SRRD: variants seen among roughly 807,000 people sequenced by gnomAD.
The protein encoded by SRRD is SRR1-like protein.
SRRD carries 28 observed loss-of-function variants against 30.7 expected under a neutral mutation model. The observed-to-expected ratio is 0.91, with a 90% CI of 0.68 to 1.25. The LOEUF is 1.25. SRRD is among the 50% of genes most tolerant of loss of function. SRRD has a pLI of 0.00. For synonymous variants in SRRD, 161 were observed against 159.6 expected (o/e 1.01, Z -0.07); for missense variants, 415 against 417.3 (o/e 0.99, Z 0.05).
At position 26,491,488 on chromosome 22, in the gene SRRD, A is replaced by C; in HGVS notation, c.836A>C (p.Glu279Ala). ...ATTTTAAAAGGACTGGAGGAGCTTG[A>C]GTTTCCTCAGACTTCACAATACATG... ...AKILKGLEEL[E>A]FPQTSQYMDI... Residue 279 changes from glutamate to alanine, a missense_variant, in exon 7 of 7, where the codon GAG becomes GCG. Coordinates refer to ENST00000215917, the MANE Select transcript of SRRD (RefSeq NM_001013694.3). The C allele has an allele frequency of 1.9e-6, 3 of 1,613,532 alleles. No individual in the cohort carries two copies. Among genetic ancestry groups the C allele is most frequent in the Non-Finnish European group, 2.5e-6 (3 of 1,179,942 alleles).
intron 6 of SRRD, 145 bp from the exon 7 acceptor site, chr22:26,491,310 ATTCATTGT>A: frequency 2.7e-6 from 2 of 753,424 alleles, no homozygotes; most frequent in Non-Finnish European, 4.3e-6. Context: ...GGGGCGCCCA[ATTCATTGT>A]GCAAAAGCAT....
At chr22:26,486,528 T>C (rs1375446170) in intron 2 of SRRD, among the ~76,000 whole-genome samples, 1 of 152,178 alleles carries the variant, frequency 6.6e-6, no homozygotes, top group Non-Finnish European at 1.5e-5. Flanking sequence ...CAGTTATTAT[T>C]TTAGGACAGT....
At chr22:26,487,927 C>T (rs1028920196) in intron 2 of SRRD, 102 bp from the exon 3 acceptor site, 3 of 1,347,482 alleles carry the variant, frequency 2.2e-6, no homozygotes, top group Middle Eastern at 2.7e-4. Flanking sequence ...TTTTACTGCC[C>T]TGATCTCTTT....
At chr22:26,490,961 C>A in intron 5 of SRRD, 64 bp from the exon 6 acceptor site, 1 of 1,439,306 alleles carries the variant, frequency 6.9e-7, no homozygotes, top group Non-Finnish European at 9.6e-7. Context: ...TTGAATGAAA[C>A]TATCCTCATA....
At chr22:26,490,689 GA>G (rs1921056885) in intron 5 of SRRD, 1 of 255,196 alleles carries the variant, frequency 3.9e-6, no homozygotes, top group Non-Finnish European at 7.5e-6. Context: ...TCAGCCTAAT[GA>G]GTAGCTGGGA....
At position 26,488,061 on chromosome 22, in the gene SRRD, G is replaced by T; in HGVS notation, c.283G>T (p.Glu95Ter). Residue 95 changes from glutamate to a stop codon, truncating the protein, a stop_gained, in exon 3 of 7, where the codon GAA becomes TAA. Transcript: ENST00000215917. LOFTEE classifies it high-confidence loss of function. Reference protein sequence around the residue: ...TINRCLTKHLEQLKAPVGTLS... With the variant: ...TINRCLTKHL The stretch of plus-strand genomic sequence containing the variant: ...CAATAGATGTCTCACAAAACATCTG[G>T]AACAACTGAAGGCCCCTGTGGGGAC... The T allele has an allele frequency of 1.9e-6, 3 of 1,613,040 alleles. No individual in the cohort carries two copies. Among genetic ancestry groups the T allele is most frequent in the Middle Eastern group, 1.7e-4 (1 of 6,056 alleles).
intron 2 of SRRD, among the ~76,000 whole-genome samples, chr22:26,486,382 G>A (rs1241421038): frequency 6.6e-6 from 1 of 152,188 alleles, no homozygotes; most frequent in Admixed American, 6.5e-5. Flanking sequence ...ATATTACAAT[G>A]TAGCCTTTTC....
chr22:26,491,106 G>C (rs767305330), intron 6 of SRRD, 36 bp downstream of exon 6: 9 of 1,588,072 alleles, frequency 5.7e-6, no homozygotes, highest in Non-Finnish European at 7.7e-6. Context: ...GATGGAAAAG[G>C]GTGTGAAACT....
At chr22:26,489,457 G>A (rs780396177) in intron 4 of SRRD, among the ~76,000 whole-genome samples, 2 of 152,078 alleles carry the variant, frequency 1.3e-5, no homozygotes, top group Non-Finnish European at 2.9e-5. Flanking sequence ...AGGATTGAAG[G>A]TAGCTGTGCA....
In SRRD at chr22:26,491,862, C is replaced by T. The variant is rs150122446; in HGVS notation, c.*190C>T. On this transcript the variant is annotated 3_prime_UTR_variant, in exon 7 of 7. Transcript: ENST00000215917. ...ATTCCTGCCCTACGTGGCATTGTCC[C>T]ATTTTACATCCTTCCCTCATGACCT... 868 of 971,200 alleles carry T rather than the reference C, an allele frequency of 8.9e-4. 1 individual carries two copies. The highest frequency in any genetic ancestry group is 1.2e-3 in the Non-Finnish European group (789 of 668,380). The allele number at this position is 971,200 out of a possible 1,614,324, so 60.2% of individuals were successfully genotyped here. A position where few individuals can be genotyped will look rare whatever the true frequency, so the allele number is the denominator to read the frequency against.
In SRRD at chr22:26,494,220, G is replaced by A. The variant is rs1468651315; in HGVS notation, c.*2548G>A. On this transcript the variant is annotated 3_prime_UTR_variant, in exon 7 of 7. Coordinates refer to ENST00000215917, the MANE Select transcript of SRRD (RefSeq NM_001013694.3). ...TTGACAGATGGATGTGCCAGCACTT[G>A]GTCTGAGAACATCGACTTCCAACCC... 2 of 1,614,188 alleles carry A rather than the reference G, an allele frequency of 1.2e-6. No individual in the cohort carries two copies. Among genetic ancestry groups the A allele is most frequent in the South Asian group, 2.2e-5 (2 of 91,084 alleles).
chr22:26,490,736 T>G (rs4822726), intron 5 of SRRD: 275,176 of 321,010 alleles, frequency 0.86, 118,973 homozygotes, highest in South Asian at 0.91. Context: ...GCTGATTTTT[T>G]TATTTTTAGT....
intron 1 of SRRD, 71 bp downstream of exon 1, chr22:26,484,170 G>A: frequency 7.1e-7 from 1 of 1,413,686 alleles, no homozygotes; most frequent in Non-Finnish European, 9.6e-7. Flanking sequence ...CTCCCCATCT[G>A]TAGAGTGGAG....
chr22:26,488,462 G>GGT lies in SRRD; in HGVS notation c.587_588dup (p.Thr197Ter). ...TGAAATTGAAGTCCTTAACACCCTT[G>GGT]GTGTGACTGTTCTCAGTGAGAACGA... On this transcript the variant is annotated frameshift_variant, in exon 4 of 7. Transcript: ENST00000215917. LOFTEE classifies it high-confidence loss of function. The GGT allele has an allele frequency of 6.2e-7, 1 of 1,614,074 alleles. No homozygotes were observed. Among genetic ancestry groups the GGT allele is most frequent in the Non-Finnish European group, 8.5e-7 (1 of 1,179,938 alleles).
rs1283487840 is a variant in SRRD at position 26,483,935 on chromosome 22, G to GGCTCCGCGGAAGAGGC, written c.55_70dup (p.Ala24GlufsTer40). The GGCTCCGCGGAAGAGGC allele has an allele frequency of 1.3e-4, 180 of 1,351,868 alleles. No individual in the cohort carries two copies. The highest frequency in any genetic ancestry group is 1.7e-4 in the African/African-American group (11 of 64,896). 83.7% of individuals were successfully genotyped at this position (1,351,868 alleles called of 1,614,324 possible). A position where few individuals can be genotyped will look rare whatever the true frequency, so the allele number is the denominator to read the frequency against. ...CGGCGCTGGAATCCTGGCAGGCGGC[G>GGCTCCGCGGAAGAGGC]GCTCCGCGGAAGAGGCGCTCCGCGG... is the stretch of plus-strand genomic sequence containing the variant. On this transcript the variant is annotated frameshift_variant, in exon 1 of 7. Coordinates refer to ENST00000215917, the MANE Select transcript of SRRD (RefSeq NM_001013694.3). LOFTEE classifies it high-confidence loss of function.
At chr22:26,490,324 G>A (rs2147110623) in intron 5 of SRRD, 126 bp downstream of exon 5, 1 of 1,117,998 alleles carries the variant, frequency 8.9e-7, no homozygotes. Context: ...ACAGGGAACT[G>A]GATGAAGGCT....
chr22:26,488,822 C>T (rs556600408), intron 4 of SRRD, among the ~76,000 whole-genome samples: 1 of 152,310 alleles, frequency 6.6e-6, no homozygotes, highest in East Asian at 1.9e-4. Context: ...CAAGTGAGGT[C>T]TTTGTGGTTG....
chr22:26,488,591 C>G (rs532985551), intron 4 of SRRD, 103 bp downstream of exon 4: 7 of 842,966 alleles, frequency 8.3e-6, no homozygotes, highest in South Asian at 2.9e-5. Context: ...GGCAGCCATT[C>G]CTCTCTTACC....
At position 26,494,255 on chromosome 22, in the gene SRRD, T is replaced by A. The variant is rs747766013; in HGVS notation, c.*2583T>A. 7 of 1,614,108 alleles carry A rather than the reference T, an allele frequency of 4.3e-6. No individual in the cohort carries two copies. The African/African-American group carries it at 9.3e-5, about 22-fold the overall frequency. On this transcript the variant is annotated 3_prime_UTR_variant, in exon 7 of 7. Transcript: ENST00000215917. ...CATCGACTTCCAACCCAGGTACCACTTGGTGATCTCCTCATAATTTGGGCT... is the reference window on the plus strand; with the variant it reads ...CATCGACTTCCAACCCAGGTACCACATGGTGATCTCCTCATAATTTGGGCT...
Sources: allele counts gnomAD v4.1 joint callset (sites outside exome capture counted in the v4.1 genomes callset), GRCh38; gene constraint gnomAD v4.1.1; transcripts MANE v1.5; gene names NCBI Gene and HGNC (gene_info 2026-07-23, HGNC 2026-07-21).